VPS13B: variants seen among roughly 807,000 people sequenced by gnomAD.
VPS13B encodes vacuolar protein sorting 13 homolog B, also known as intermembrane lipid transfer protein VPS13B.
VPS13B carries 285 observed loss-of-function variants against 426.4 expected under a neutral mutation model. The observed-to-expected ratio is 0.67, with a 90% CI of 0.61 to 0.74. The LOEUF (loss-of-function observed/expected upper bound fraction) is 0.74. Ranked by LOEUF, VPS13B falls within the 30% of genes least tolerant of loss-of-function variation. The pLI, the probability that VPS13B is intolerant of heterozygous loss-of-function variation, is 0.00. For synonymous variants in VPS13B, 1,676 were observed against 1,676.4 expected, an observed-to-expected ratio of 1.00 and a Z score of 0.01; for missense variants, 4,537 against 4,782.6, an observed-to-expected ratio of 0.95 and a Z score of 1.51.
chr8:99,577,694 A>G, intron 33 of VPS13B, 61 bp downstream of exon 33: 3 of 1,592,960 alleles, frequency 1.9e-6, no homozygotes, highest in Non-Finnish European at 2.6e-6. Context: ...CATTCACAGT[A>G]GGAAAACTAT....
At chr8:99,051,975 A>G (rs1375439408) in intron 3 of VPS13B, among the ~76,000 whole-genome samples, 2 of 152,300 alleles carry the variant, frequency 1.3e-5, no homozygotes, top group Admixed American at 6.5e-5. Context: ...GTCATCCACA[A>G]ACAGGGACAA....
At chr8:99,814,672 C>T (rs570600245) in intron 44 of VPS13B, among the ~76,000 whole-genome samples, 3 of 152,242 alleles carry the variant, frequency 2.0e-5, no homozygotes, top group East Asian at 3.9e-4. Context: ...TTGGCTTGTA[C>T]CAATCATGAT....
intron 25 of VPS13B, among the ~76,000 whole-genome samples, chr8:99,484,002 TAATA>T (rs1328033592): frequency 5.3e-5 from 8 of 152,138 alleles, no homozygotes; most frequent in Admixed American, 2.6e-4. Context: ...GAGGAAGGAT[TAATA>T]AATTCATTCT....
intron 25 of VPS13B, among the ~76,000 whole-genome samples, chr8:99,489,299 G>C (rs1430150262): frequency 6.6e-6 from 1 of 151,038 alleles, no homozygotes; most frequent in African/African-American, 2.4e-5. Context: ...TTGTAGTATA[G>C]TTTGAAGTCA....
At position 99,766,763 on chromosome 8, in the gene VPS13B, T is replaced by C. The variant is rs965488240; in HGVS notation, c.7051-11T>C. On this transcript the variant is annotated splice_polypyrimidine_tract_variant and intron_variant, in intron 39 of 61. Transcript: ENST00000357162. ...ATTTGCAACTTCTAAATTTTTTTTA[T>C]TTTAACATAGGTTCCTTGTAGCTTG... is the stretch of plus-strand genomic sequence containing the variant. The C allele has an allele frequency of 3.1e-6, 5 of 1,609,536 alleles. No individual in the cohort carries two copies. The African/African-American group carries it at 6.7e-5, about 22-fold the overall frequency.
intron 30 of VPS13B, among the ~76,000 whole-genome samples, chr8:99,540,003 T>C: frequency 8.7e-6 from 1 of 115,190 alleles, no homozygotes; most frequent in East Asian, 2.4e-4. Context: ...TATATAAATA[T>C]ATAAATAAAT....
intron 34 of VPS13B, among the ~76,000 whole-genome samples, chr8:99,651,529 A>G (rs534829956): frequency 1.1e-3 from 171 of 152,260 alleles, no homozygotes; most frequent in African/African-American, 4.0e-3. Context: ...TGCCCTTCCC[A>G]CCTGGAGCAA....
At chr8:99,745,744 A>C (rs1000428120) in intron 39 of VPS13B, among the ~76,000 whole-genome samples, 1 of 152,004 alleles carries the variant, frequency 6.6e-6, no homozygotes, top group African/African-American at 2.4e-5. Context: ...CATCTTTAGT[A>C]ATTATCAGTA....
At chr8:99,772,414 T>C (rs1385382883) in intron 40 of VPS13B, among the ~76,000 whole-genome samples, 1 of 151,564 alleles carries the variant, frequency 6.6e-6, no homozygotes, top group African/African-American at 2.4e-5. Context: ...ATCCCAAGAG[T>C]AGTCAAATTC....
chr8:99,220,435 G>A (rs574954028), intron 17 of VPS13B, among the ~76,000 whole-genome samples: 105 of 152,276 alleles, frequency 6.9e-4, no homozygotes, highest in Non-Finnish European at 1.4e-3. Context: ...TTGTGTTGAT[G>A]TCATGGAAGA....
chr8:99,122,163 A>C (rs1215665488), intron 8 of VPS13B, among the ~76,000 whole-genome samples: 1 of 151,304 alleles, frequency 6.6e-6, no homozygotes, highest in Non-Finnish European at 1.5e-5. Context: ...CCAGCCTCAT[A>C]ACAAATTTTT....
chr8:99,305,522 T>C (rs1237237734), intron 19 of VPS13B, among the ~76,000 whole-genome samples: 3 of 152,046 alleles, frequency 2.0e-5, no homozygotes, highest in African/African-American at 7.2e-5. Flanking sequence ...CCCCAGATAC[T>C]GAGGGATTAC....
chr8:99,622,082 G>A (rs777442444), intron 33 of VPS13B, among the ~76,000 whole-genome samples: 3 of 151,898 alleles, frequency 2.0e-5, no homozygotes, highest in African/African-American at 2.4e-5. Flanking sequence ...AAGATGGTAG[G>A]ATATATCAAT....
chr8:99,835,127 A>G, intron 52 of VPS13B, 70 bp from the exon 53 acceptor site: 1 of 1,601,578 alleles, frequency 6.2e-7, no homozygotes, highest in Non-Finnish European at 8.5e-7. Context: ...CTAAATAAAC[A>G]TGTTCCAGAG....
intron 3 of VPS13B, among the ~76,000 whole-genome samples, chr8:99,045,590 C>T (rs939909999): frequency 2.0e-5 from 3 of 152,074 alleles, no homozygotes; most frequent in African/African-American, 7.2e-5. Context: ...ATTGCATTTG[C>T]TTTTGGGGTC....
chr8:99,090,177 ACTTTT>A (rs1202826615), intron 3 of VPS13B, among the ~76,000 whole-genome samples: 1 of 151,782 alleles, frequency 6.6e-6, no homozygotes, highest in Non-Finnish European at 1.5e-5. Flanking sequence ...CCTACTCTCC[ACTTTT>A]CTTAAGAGAA....
intron 25 of VPS13B, among the ~76,000 whole-genome samples, chr8:99,495,708 T>C (rs573859879): frequency 6.6e-6 from 1 of 152,356 alleles, no homozygotes; most frequent in African/African-American, 2.4e-5. Context: ...TCCTTAAACC[T>C]ACTTGCACTT....
chr8:99,364,322 T>C (rs1320031980), intron 19 of VPS13B, among the ~76,000 whole-genome samples: 2 of 152,222 alleles, frequency 1.3e-5, no homozygotes, highest in African/African-American at 2.4e-5. Flanking sequence ...CACTTGGTCA[T>C]GATGAATGTT....
intron 24 of VPS13B, among the ~76,000 whole-genome samples, chr8:99,479,990 T>A (rs1588423532): frequency 1.3e-5 from 2 of 152,334 alleles, no homozygotes; most frequent in South Asian, 4.1e-4. Flanking sequence ...TTCTAAATTT[T>A]ACATTCCTAC....
Sources: gnomAD v4.1 joint callset for allele counts (sites outside exome capture counted in the v4.1 genomes callset) on GRCh38, gnomAD v4.1.1 for gene constraint, MANE v1.5 for transcripts, NCBI Gene and HGNC (gene_info 2026-07-23, HGNC 2026-07-21) for gene names.